Variants in EFHD2 observed in about 807,000 individuals in gnomAD.
EFHD2 encodes EF-hand domain-containing protein D2.
EFHD2 carries 12 observed loss-of-function variants against 20.3 expected under a neutral mutation model. The ratio of observed to expected loss-of-function variants is 0.59; its 90% CI spans 0.38 to 0.96. The LOEUF is 0.96. Among genes scored for constraint, EFHD2 ranks in the 40% least tolerant of loss-of-function variants. The pLI, the probability that EFHD2 is intolerant of heterozygous loss-of-function variation, is 0.00. For synonymous variants in EFHD2, 131 were observed against 143.9 expected (o/e 0.91, Z 0.64); for missense variants, 250 against 334.3 (o/e 0.75, Z 1.97).
At chr1:15,418,401 G>A (rs1253592444) in intron 1 of EFHD2, among the ~76,000 whole-genome samples, 1 of 147,914 alleles carries the variant, frequency 6.8e-6, no homozygotes. Context: ...CGCCTCCTGG[G>A]TTCACGCCAT....
At chr1:15,422,408 CG>C (rs1437124353) in intron 1 of EFHD2, among the ~76,000 whole-genome samples, 1 of 151,926 alleles carries the variant, frequency 6.6e-6, no homozygotes, top group Non-Finnish European at 1.5e-5. Flanking sequence ...TCATTCTTTG[CG>C]GTGGGGCCAC....
chr1:15,418,487 A>T (rs1386793107), intron 1 of EFHD2, among the ~76,000 whole-genome samples: 1 of 149,960 alleles, frequency 6.7e-6, no homozygotes, highest in African/African-American at 2.5e-5. Context: ...TTGTATTTTT[A>T]GTAGAGACGG....
Position 15,426,709 on chromosome 1 carries a change from T to A in EFHD2, c.457-441T>A, listed in dbSNP as rs1020528648. Among the ~76,000 whole-genome samples, 2 of 151,916 alleles carry A rather than the reference T, an allele frequency of 1.3e-5. No individual in the cohort carries two copies. Among genetic ancestry groups the A allele is most frequent in the South Asian group, 2.1e-4 (1 of 4,816 alleles). Reference sequence around the variant, plus strand: ...GCAGTGCAGGGTAACAGCTTAGAGTTCGAGAGCAGGGTTCCATCCCTCTGA... The same window carrying A: ...GCAGTGCAGGGTAACAGCTTAGAGTACGAGAGCAGGGTTCCATCCCTCTGA... On this transcript the variant is annotated intron_variant, in intron 2 of 3. Transcript: ENST00000375980. The surrounding 1 kb of genome is among the most constrained non-coding windows in gnomAD (Gnocchi z 4.6).
chr1:15,424,698 C>T (rs907099124), intron 1 of EFHD2, among the ~76,000 whole-genome samples: 8 of 152,230 alleles, frequency 5.3e-5, no homozygotes, highest in African/African-American at 1.9e-4. Flanking sequence ...GAGGCCCTGC[C>T]TTAGATACCC....
rs372935120 is a variant in EFHD2 at position 15,428,753 on chromosome 1, G to A, written c.*29G>A. 77 of 1,558,218 alleles carry A rather than the reference G, an allele frequency of 4.9e-5. No individual in the cohort carries two copies. Among genetic ancestry groups the A allele is most frequent in the African/African-American group, 6.8e-5 (5 of 73,370 alleles). On this transcript the variant is annotated 3_prime_UTR_variant, in exon 4 of 4. Coordinates refer to ENST00000375980, the MANE Select transcript of EFHD2 (RefSeq NM_024329.6). ...GGGCTGCAGCCGACCGCCCTGCTCC[G>A]GCCCCAGTGTGGTGGGCGAGGGTGG...
intron 1 of EFHD2, among the ~76,000 whole-genome samples, chr1:15,423,198 T>A (rs1213703784): frequency 6.6e-6 from 1 of 152,212 alleles, no homozygotes; most frequent in African/African-American, 2.4e-5. Context: ...ACAGCAGCTT[T>A]GGCCTGCCTG....
intron 1 of EFHD2, among the ~76,000 whole-genome samples, chr1:15,414,688 G>C (rs1296994298): frequency 1.3e-5 from 2 of 152,230 alleles, no homozygotes; most frequent in Non-Finnish European, 2.9e-5. Flanking sequence ...GGTCTGCCAG[G>C]TTGTCGACAA....
intron 1 of EFHD2, among the ~76,000 whole-genome samples, chr1:15,424,643 C>T (rs1448462512): frequency 6.6e-6 from 1 of 152,224 alleles, no homozygotes; most frequent in Non-Finnish European, 1.5e-5. Flanking sequence ...TGCCACCTGG[C>T]CCTGCCTCCT....
chr1:15,424,952 C>A (rs1194068719), intron 1 of EFHD2, among the ~76,000 whole-genome samples: 1 of 152,186 alleles, frequency 6.6e-6, no homozygotes, highest in African/African-American at 2.4e-5. Context: ...GGACATTCGA[C>A]AATGTCTGGG....
intron 1 of EFHD2, among the ~76,000 whole-genome samples, chr1:15,415,570 C>G (rs534580891): frequency 1.3e-5 from 2 of 151,522 alleles, no homozygotes; most frequent in Middle Eastern, 3.2e-3. Flanking sequence ...CTCACTGCAG[C>G]CTTCGTCTCC....
chr1:15,425,252 C>T (rs768688227), intron 1 of EFHD2, among the ~76,000 whole-genome samples: 2 of 152,108 alleles, frequency 1.3e-5, no homozygotes, highest in Non-Finnish European at 2.9e-5. Context: ...CGGCCAGGCA[C>T]GGTGGCTCAT....
chr1:15,414,444 C>T (rs545352940), intron 1 of EFHD2, among the ~76,000 whole-genome samples: 14 of 152,396 alleles, frequency 9.2e-5, no homozygotes, highest in East Asian at 5.8e-4. Context: ...CTGTTCCTCA[C>T]GCTGGAACAG....
chr1:15,414,624 G>A (rs1042055093), intron 1 of EFHD2, among the ~76,000 whole-genome samples: 4 of 152,222 alleles, frequency 2.6e-5, no homozygotes, highest in African/African-American at 9.6e-5. Flanking sequence ...TGGCTCAGAG[G>A]CAGCTCCACA....
intron 1 of EFHD2, among the ~76,000 whole-genome samples, chr1:15,418,051 A>ACAATCTTGGCT (rs1344159604): frequency 7.9e-6 from 1 of 126,610 alleles, no homozygotes; most frequent in Non-Finnish European, 1.6e-5. Context: ...GTGCAGTGGC[A>ACAATCTTGGCT]CAATCTTGGC....
intron 1 of EFHD2, among the ~76,000 whole-genome samples, chr1:15,423,230 C>T (rs1707822746): frequency 1.3e-5 from 2 of 152,238 alleles, no homozygotes; most frequent in African/African-American, 4.8e-5. Flanking sequence ...CCCACACCTT[C>T]TACTGTCACA....
In EFHD2 at chr1:15,429,796, G is replaced by A. The variant is rs1348708643; in HGVS notation, c.*1072G>A. The A allele has an allele frequency of 6.5e-6, 1 of 152,714 alleles. No homozygotes were observed. Among genetic ancestry groups the A allele is most frequent in the Non-Finnish European group, 1.5e-5 (1 of 68,076 alleles). 9.5% of individuals were successfully genotyped at this position (152,714 alleles called of 1,614,324 possible). A position where few individuals can be genotyped will look rare whatever the true frequency, so the allele number is the denominator to read the frequency against. The stretch of plus-strand genomic sequence containing the variant: ...GAAGCATGGGGACCCTAACACCCTG[G>A]TGCCCTGCACCAGACAGGCCGTGGT... On this transcript the variant is annotated 3_prime_UTR_variant, in exon 4 of 4. Coordinates refer to ENST00000375980, the MANE Select transcript of EFHD2 (RefSeq NM_024329.6).
At chr1:15,421,645 G>A (rs1352472510) in intron 1 of EFHD2, among the ~76,000 whole-genome samples, 1 of 152,170 alleles carries the variant, frequency 6.6e-6, no homozygotes, top group Non-Finnish European at 1.5e-5. Context: ...ATCCAAGTTT[G>A]GACACTTTAT....
At chr1:15,412,965 G>A (rs1301735308) in intron 1 of EFHD2, among the ~76,000 whole-genome samples, 1 of 152,164 alleles carries the variant, frequency 6.6e-6, no homozygotes, top group Non-Finnish European at 1.5e-5. Flanking sequence ...GACCTCTAGG[G>A]AAGCAAGTGC....
At chr1:15,419,857 A>G (rs1368471724) in intron 1 of EFHD2, among the ~76,000 whole-genome samples, 1 of 152,162 alleles carries the variant, frequency 6.6e-6, no homozygotes, top group Non-Finnish European at 1.5e-5. Flanking sequence ...CCATGAGAGT[A>G]GCCCCTTCCT....
Sources: gnomAD v4.1 joint callset for allele counts (sites outside exome capture counted in the v4.1 genomes callset) on GRCh38, gnomAD v4.1.1 for gene constraint, Gnocchi (gnomAD v3.1) non-coding constraint, MANE v1.5 for transcripts, NCBI Gene and HGNC (gene_info 2026-07-23, HGNC 2026-07-21) for gene names.